The following CLDN10 variants were observed in gnomAD, a reference collection of about 807,000 sequenced individuals.
The protein encoded by CLDN10 is claudin 10, also known as claudin-10.
In CLDN10, 15 loss-of-function variants were observed where a neutral mutation model predicts 22.9. The observed-to-expected ratio is 0.65, with a 90% CI of 0.44 to 1.01. The LOEUF is 1.01. Ranked by LOEUF, CLDN10 falls within the 50% of genes least tolerant of loss-of-function variation. The pLI is 0.00. For missense variants in CLDN10, 247 were observed against 287.8 expected, an observed-to-expected ratio of 0.86 and a Z score of 1.03; for synonymous variants, 114 against 111.4, an observed-to-expected ratio of 1.02 and a Z score of -0.15.
chr13:95,443,017 G>A lies in CLDN10; in HGVS notation c.214+8970G>A, dbSNP rs983060657. ...AATGAATGTATACAGTGTGTTTTAC[G>A]AAGTGCTTTCACATACATTGTCATA... On this transcript the variant is annotated intron_variant, in intron 1 of 4. Coordinates refer to the CLDN10 transcript ENST00000376873. Among the ~76,000 whole-genome samples the A allele has an allele frequency of 6.6e-5, 10 of 152,306 alleles. No individual in the cohort carries two copies. The East Asian group carries it at 1.7e-3, about 26-fold the overall frequency.
At chr13:95,515,967 A>G (rs1047662406) in intron 1 of CLDN10, among the ~76,000 whole-genome samples, 2 of 152,018 alleles carry the variant, frequency 1.3e-5, no homozygotes, top group Admixed American at 6.6e-5. Context: ...CCAGCTACTC[A>G]GGAGGCTGAG....
At chr13:95,472,599 G>A (rs1033671292) in intron 1 of CLDN10, among the ~76,000 whole-genome samples, 2 of 150,852 alleles carry the variant, frequency 1.3e-5, no homozygotes, top group Non-Finnish European at 2.9e-5. Context: ...AAACCCAGGA[G>A]GCAGAGGTTG....
intron 1 of CLDN10, among the ~76,000 whole-genome samples, chr13:95,459,541 C>T (rs1409303059): frequency 6.6e-6 from 1 of 152,264 alleles, no homozygotes; most frequent in Non-Finnish European, 1.5e-5. Flanking sequence ...CCCTCTGAAA[C>T]AATGGTCTGC....
chr13:95,439,458 C>T (rs563486370), intron 1 of CLDN10, among the ~76,000 whole-genome samples: 37 of 152,068 alleles, frequency 2.4e-4, no homozygotes, highest in Non-Finnish European at 4.6e-4. Context: ...TTCTGCCTCC[C>T]AAGTAGCGGG....
At chr13:95,572,087 T>G (rs2043870089) in intron 3 of CLDN10, among the ~76,000 whole-genome samples, 2 of 152,108 alleles carry the variant, frequency 1.3e-5, no homozygotes, top group South Asian at 4.1e-4. Flanking sequence ...GCTCTTTCCT[T>G]TTTCAGCTCC....
chr13:95,534,564 T>C (rs536146150), intron 1 of CLDN10, among the ~76,000 whole-genome samples: 132 of 152,314 alleles, frequency 8.7e-4, no homozygotes, highest in African/African-American at 3.1e-3. Context: ...ATTCTCCATC[T>C]TCAGAAACTG....
chr13:95,570,096 C>A (rs1461368196), intron 3 of CLDN10, among the ~76,000 whole-genome samples: 1 of 152,208 alleles, frequency 6.6e-6, no homozygotes, highest in Non-Finnish European at 1.5e-5. Flanking sequence ...CACATCCACA[C>A]ACGGATTCTT....
At chr13:95,440,810 A>G (rs1305662805) in intron 1 of CLDN10, among the ~76,000 whole-genome samples, 1 of 152,234 alleles carries the variant, frequency 6.6e-6, no homozygotes, top group Non-Finnish European at 1.5e-5. Context: ...CTGTATCAAT[A>G]TGGTTGGAAG....
At chr13:95,476,611 A>C (rs930057570) in intron 1 of CLDN10, among the ~76,000 whole-genome samples, 4 of 152,182 alleles carry the variant, frequency 2.6e-5, no homozygotes, top group Non-Finnish European at 5.9e-5. Flanking sequence ...GTGAAGATTC[A>C]AAGACTCAGA....
At chr13:95,447,580 C>T (rs886334657) in intron 1 of CLDN10, among the ~76,000 whole-genome samples, 1 of 152,146 alleles carries the variant, frequency 6.6e-6, no homozygotes, top group African/African-American at 2.4e-5. Flanking sequence ...ATGTTCTGGA[C>T]GCTATTGATC....
At chr13:95,465,244 G>A (rs2042572469) in intron 1 of CLDN10, among the ~76,000 whole-genome samples, 2 of 152,058 alleles carry the variant, frequency 1.3e-5, no homozygotes, top group South Asian at 2.1e-4. Flanking sequence ...ACAGTATGGG[G>A]AAAACCGCCC....
intron 1 of CLDN10, among the ~76,000 whole-genome samples, chr13:95,527,095 T>G (rs565746540): frequency 4.7e-4 from 71 of 152,324 alleles, no homozygotes; most frequent in African/African-American, 1.7e-3. Flanking sequence ...GACCCATTTT[T>G]GCCACCTTCT....
At chr13:95,523,875 A>G (rs974110938) in intron 1 of CLDN10, among the ~76,000 whole-genome samples, 9 of 152,192 alleles carry the variant, frequency 5.9e-5, no homozygotes, top group Admixed American at 1.3e-4. Flanking sequence ...TGACCTCTAC[A>G]CATGAGATGA....
intron 1 of CLDN10, among the ~76,000 whole-genome samples, chr13:95,486,257 C>A (rs1323027700): frequency 6.6e-6 from 1 of 152,138 alleles, no homozygotes; most frequent in African/African-American, 2.4e-5. Context: ...GAAATTGCAG[C>A]CCAAGATGCA....
intron 1 of CLDN10, chr13:95,528,485 A>G (rs1594589778): frequency 6.6e-6 from 1 of 152,268 alleles, no homozygotes; most frequent in South Asian, 2.1e-4. Flanking sequence ...GCATAAGTGA[A>G]TCATACATTT....
At chr13:95,574,615 C>T (rs558576482) in intron 3 of CLDN10, among the ~76,000 whole-genome samples, 42 of 152,028 alleles carry the variant, frequency 2.8e-4, no homozygotes, top group Admixed American at 2.4e-3. Flanking sequence ...ACTGAAAATA[C>T]AAAAATTAGC....
At chr13:95,484,319 C>T (rs1026993111) in intron 1 of CLDN10, among the ~76,000 whole-genome samples, 2 of 152,176 alleles carry the variant, frequency 1.3e-5, no homozygotes. Context: ...ATCCACTGCA[C>T]ACCACTCGGC....
intron 1 of CLDN10, among the ~76,000 whole-genome samples, chr13:95,510,735 T>A (rs1346089916): frequency 6.6e-6 from 1 of 152,108 alleles, no homozygotes; most frequent in Non-Finnish European, 1.5e-5. Flanking sequence ...TGGAAGCACA[T>A]AAAATGTCTT....
At chr13:95,523,510 G>A (rs74947461) in intron 1 of CLDN10, among the ~76,000 whole-genome samples, 15,161 of 152,208 alleles carry the variant, frequency 0.1, 928 homozygotes, top group Middle Eastern at 0.13. Context: ...TACCTGAAAA[G>A]ATCAGGTAAA....
Sources: allele counts gnomAD v4.1 joint callset (sites outside exome capture counted in the v4.1 genomes callset), GRCh38; gene constraint gnomAD v4.1.1; transcripts MANE v1.5; gene names NCBI Gene and HGNC (gene_info 2026-07-23, HGNC 2026-07-21).